The following DLC1 variants were observed in gnomAD, a reference collection of about 807,000 sequenced individuals.
The protein encoded by DLC1 is rho GTPase-activating protein 7.
In DLC1, 54 loss-of-function variants were observed where a neutral mutation model predicts 140.3. The ratio of observed to expected loss-of-function variants is 0.38; its 90% CI spans 0.31 to 0.48. The LOEUF is 0.48. Ranked by LOEUF, DLC1 falls within the 20% of genes least tolerant of loss-of-function variation. The pLI, the probability that DLC1 is intolerant of heterozygous loss-of-function variation, is 0.96. For missense variants in DLC1, 2,536 were observed against 1,907.0 expected, an observed-to-expected ratio of 1.33 and a Z score of -6.14; for synonymous variants, 986 against 728.1, an observed-to-expected ratio of 1.35 and a Z score of -5.70.
intron 1 of DLC1, among the ~76,000 whole-genome samples, chr8:13,533,245 GTTTT>G (rs5889449): frequency 6.6e-6 from 1 of 151,394 alleles, no homozygotes; most frequent in African/African-American, 2.4e-5. Flanking sequence ...AATAATCGTT[GTTTT>G]TTTTTGTGTT....
chr8:13,268,849 C>T (rs1481245654), intron 5 of DLC1, among the ~76,000 whole-genome samples: 1 of 151,562 alleles, frequency 6.6e-6, no homozygotes, highest in East Asian at 1.9e-4. Context: ...TCATGTTCTA[C>T]CCCTCCCATC....
intron 5 of DLC1, among the ~76,000 whole-genome samples, chr8:13,124,136 T>G (rs1050369159): frequency 6.6e-6 from 1 of 152,216 alleles, no homozygotes; most frequent in Non-Finnish European, 1.5e-5. Context: ...TTCTCATGCA[T>G]AGTTTTTCTT....
chr8:13,318,616 G>A (rs896974908), intron 4 of DLC1, among the ~76,000 whole-genome samples: 8 of 152,124 alleles, frequency 5.3e-5, no homozygotes, highest in Non-Finnish European at 1.2e-4. Context: ...TAAAGATATT[G>A]GTATGGATTT....
chr8:13,540,480 A>G (rs978958493), intron 1 of DLC1, among the ~76,000 whole-genome samples: 1 of 152,198 alleles, frequency 6.6e-6, no homozygotes, highest in African/African-American at 2.4e-5. Flanking sequence ...GTCCGATATT[A>G]AACAGAAAAC....
At chr8:13,122,314 C>A (rs1821158574) in intron 5 of DLC1, among the ~76,000 whole-genome samples, 1 of 152,198 alleles carries the variant, frequency 6.6e-6, no homozygotes, top group African/African-American at 2.4e-5. Flanking sequence ...TCCAGGCTTT[C>A]CAAACTCCTT....
At position 13,180,015 on chromosome 8, in the gene DLC1, A is replaced by T. The variant is rs777047501; in HGVS notation, c.1349-64358T>A. Among the ~76,000 whole-genome samples the T allele has an allele frequency of 2.0e-5, 3 of 152,206 alleles. No individual in the cohort carries two copies. The East Asian group carries it at 5.8e-4, about 29-fold the overall frequency. On this transcript the variant is annotated intron_variant, in intron 5 of 17. Coordinates refer to ENST00000276297, the MANE Select transcript of DLC1 (RefSeq NM_182643.3). ...ACGTGAACACATCATTGGCTTTGTG[A>T]TATCAGTGGTTGCTCTAGACGTAAG...
chr8:13,288,917 C>T (rs948491085), intron 5 of DLC1, among the ~76,000 whole-genome samples: 3 of 152,168 alleles, frequency 2.0e-5, no homozygotes, highest in African/African-American at 7.2e-5. Flanking sequence ...AAGTTTATAT[C>T]AGTTTTTATG....
rs201282081 is a variant in DLC1 at position 13,462,395 on chromosome 8, T to TC, written c.1023+36653dup. 4.8e-4 allele frequency among the ~76,000 whole-genome samples: 71 copies of TC among 149,426 alleles called. 1 individual carries two copies. Among genetic ancestry groups the TC allele is most frequent in the African/African-American group, 1.7e-3 (68 of 40,248 alleles). ...AAGAGGAATAAAATACCATTACTAT[T>TC]CTTTTTTTTTTTTTTTTTTTGAGAC... On this transcript the variant is annotated intron_variant, in intron 2 of 17. Coordinates refer to ENST00000276297, the MANE Select transcript of DLC1 (RefSeq NM_182643.3).
intron 2 of DLC1, among the ~76,000 whole-genome samples, chr8:13,426,964 C>T (rs72603961): frequency 0.073 from 11,063 of 152,114 alleles, 540 homozygotes; most frequent in East Asian, 0.14. Flanking sequence ...TATAACTTGC[C>T]GTGCTTAAGT....
chr8:13,110,698 C>A, intron 7 of DLC1, 44 bp downstream of exon 7: 1 of 1,565,534 alleles, frequency 6.4e-7, no homozygotes, highest in Non-Finnish European at 8.8e-7. Context: ...GTACTGTGTT[C>A]TTAAAAAATA....
chr8:13,469,571 C>T (rs548160830), intron 2 of DLC1, among the ~76,000 whole-genome samples: 4 of 152,166 alleles, frequency 2.6e-5, no homozygotes, highest in African/African-American at 9.6e-5. Flanking sequence ...TTATTCAAAT[C>T]GCAGGAATTA....
At chr8:13,511,206 C>G (rs1318167209) in intron 1 of DLC1, among the ~76,000 whole-genome samples, 2 of 152,160 alleles carry the variant, frequency 1.3e-5, no homozygotes, top group African/African-American at 4.8e-5. Flanking sequence ...TGCTAAAACA[C>G]TTTGTTATTT....
intron 5 of DLC1, among the ~76,000 whole-genome samples, chr8:13,287,365 T>A (rs1294825932): frequency 1.3e-5 from 2 of 152,214 alleles, no homozygotes; most frequent in African/African-American, 4.8e-5. Context: ...GGCTTCTATT[T>A]TGTTTTCTTT....
In DLC1 at chr8:13,499,822, C is replaced by T. The variant is rs35173269; in HGVS notation, c.250G>A (p.Asp84Asn). ...TCATGGCTGTCATTTTCGTCCACAT[C>T]CTTTGAAAGATGACCCATTGGCCTC... ...PGRPMGHLSK[D>N]VDENDSHEGE... is the part of the protein sequence containing the mutation. The change falls in exon 2 of 18, where the codon GAT (aspartate) becomes AAT (asparagine). Residue 84 changes from aspartate to asparagine, a missense_variant. Physicochemically the swap from Asp to Asn is conservative, Grantham distance 23. Coordinates refer to ENST00000276297, the MANE Select transcript of DLC1 (RefSeq NM_182643.3). The T allele has an allele frequency of 2.4e-3, 3,893 of 1,614,064 alleles. 103 individuals are homozygous for T. The African/African-American group carries it at 0.045, about 19-fold the overall frequency.
intron 2 of DLC1, among the ~76,000 whole-genome samples, chr8:13,485,691 C>G (rs1194064722): frequency 1.3e-5 from 2 of 152,216 alleles, no homozygotes; most frequent in African/African-American, 4.8e-5. Flanking sequence ...ACATAACCCA[C>G]ACAACTATTG....
intron 5 of DLC1, among the ~76,000 whole-genome samples, chr8:13,188,326 T>C (rs546303867): frequency 1.2e-3 from 172 of 148,034 alleles, no homozygotes; most frequent in African/African-American, 4.2e-3. Context: ...ATGTCTACTT[T>C]GGTAGACATT....
At chr8:13,193,417 A>C (rs1826870711) in intron 5 of DLC1, among the ~76,000 whole-genome samples, 1 of 152,136 alleles carries the variant, frequency 6.6e-6, no homozygotes, top group African/African-American at 2.4e-5. Flanking sequence ...GTTATTTCTA[A>C]AGTAGGACTT....
intron 5 of DLC1, among the ~76,000 whole-genome samples, chr8:13,261,783 T>A (rs1424807905): frequency 6.6e-6 from 1 of 152,178 alleles, no homozygotes; most frequent in African/African-American, 2.4e-5. Context: ...CAAGTTTTGT[T>A]GGAAAGACAA....
chr8:13,532,655 T>C (rs1803138576), intron 1 of DLC1, among the ~76,000 whole-genome samples: 1 of 152,162 alleles, frequency 6.6e-6, no homozygotes, highest in African/African-American at 2.4e-5. Context: ...GGTGCAATCA[T>C]TCATTGCTCA....
Sources: gnomAD v4.1 joint callset for allele counts (sites outside exome capture counted in the v4.1 genomes callset) on GRCh38, gnomAD v4.1.1 for gene constraint, MANE v1.5 for transcripts, NCBI Gene and HGNC (gene_info 2026-07-23, HGNC 2026-07-21) for gene names.